Variants in PALLD observed in about 807,000 individuals in gnomAD.
The protein encoded by PALLD is palladin, cytoskeletal associated protein, also known as palladin.
A neutral mutation model predicts 123.5 loss-of-function variants in PALLD; 61 were observed. That is an observed-to-expected ratio of 0.49 (90% confidence interval 0.40 to 0.61). The LOEUF (loss-of-function observed/expected upper bound fraction) is 0.61. PALLD is among the 20% of genes least tolerant of loss of function. The probability of loss-of-function intolerance (pLI) is 0.00; values close to 1 mark genes in which losing one functional copy is unlikely to be tolerated. For synonymous variants in PALLD, 465 were observed against 496.4 expected (o/e 0.94, Z 0.84); for missense variants, 1,273 against 1,377.0 (o/e 0.92, Z 1.20).
intron 10 of PALLD, among the ~76,000 whole-genome samples, chr4:168,868,967 C>G (rs1750714037): frequency 6.6e-6 from 1 of 152,104 alleles, no homozygotes; most frequent in African/African-American, 2.4e-5. Context: ...TGACTGATAA[C>G]CAAATCAAAT....
At chr4:168,901,977 G>A (rs1455637559) in intron 14 of PALLD, among the ~76,000 whole-genome samples, 1 of 152,204 alleles carries the variant, frequency 6.6e-6, no homozygotes, top group Non-Finnish European at 1.5e-5. Context: ...AGATTCTAGA[G>A]TTTAATACGT....
intron 10 of PALLD, among the ~76,000 whole-genome samples, chr4:168,780,099 A>AT (rs1735702137): frequency 6.6e-6 from 1 of 152,092 alleles, no homozygotes; most frequent in African/African-American, 2.4e-5. Context: ...GGGTTTCACC[A>AT]TGTTAGCCAG....
At chr4:168,716,608 T>C (rs1437961942) in intron 10 of PALLD, among the ~76,000 whole-genome samples, 2 of 152,234 alleles carry the variant, frequency 1.3e-5, no homozygotes. Flanking sequence ...ACCCTATTGT[T>C]CTGCAAATCC....
At chr4:168,649,608 A>G (rs1777827376) in intron 2 of PALLD, among the ~76,000 whole-genome samples, 1 of 152,190 alleles carries the variant, frequency 6.6e-6, no homozygotes, top group Non-Finnish European at 1.5e-5. Flanking sequence ...AGCTAACTTT[A>G]TTGGGTAACA....
intron 10 of PALLD, among the ~76,000 whole-genome samples, chr4:168,827,197 A>G (rs1743533233): frequency 1.3e-5 from 2 of 152,204 alleles, no homozygotes; most frequent in Admixed American, 1.3e-4. Flanking sequence ...AACAAACCAA[A>G]GAGCCATAAA....
intron 10 of PALLD, among the ~76,000 whole-genome samples, chr4:168,873,769 C>CT (rs1751387250): frequency 6.6e-6 from 1 of 152,236 alleles, no homozygotes; most frequent in Non-Finnish European, 1.5e-5. Flanking sequence ...CTTGACCTCA[C>CT]TAACTGATGG....
chr4:168,869,594 A>C lies in PALLD; in HGVS notation c.1965-21328A>C, dbSNP rs1246830150. ...CAATAAGAGTAACAAACTTAGAAGA[A>C]TGAAAAGGTAGAGATACAGCAGCAT... On this transcript the variant is annotated intron_variant, in intron 10 of 21. Coordinates refer to ENST00000505667, the MANE Select transcript of PALLD (RefSeq NM_001166108.2). This position sits in a 1 kb window ranked among gnomAD's most constrained non-coding sequence, Gnocchi z 4.5. Among the ~76,000 whole-genome samples, 1 of 152,208 alleles carries C rather than the reference A, an allele frequency of 6.6e-6. No individual in the cohort carries two copies.
At chr4:168,529,095 C>G (rs1050076383) in intron 2 of PALLD, among the ~76,000 whole-genome samples, 1 of 152,160 alleles carries the variant, frequency 6.6e-6, no homozygotes, top group Non-Finnish European at 1.5e-5. Flanking sequence ...ACCTGTAATT[C>G]CAGCACTTTG....
At chr4:168,914,610 G>A (rs977310236) in intron 16 of PALLD, among the ~76,000 whole-genome samples, 6 of 151,812 alleles carry the variant, frequency 4.0e-5, no homozygotes, top group African/African-American at 1.5e-4. Context: ...ATGGTAGGCA[G>A]AGATAGAGAA....
intron 2 of PALLD, among the ~76,000 whole-genome samples, chr4:168,536,922 G>A (rs1320565541): frequency 6.6e-6 from 1 of 151,948 alleles, no homozygotes; most frequent in Non-Finnish European, 1.5e-5. Flanking sequence ...CCACCTCCGG[G>A]GTTCAAGCTA....
intron 10 of PALLD, among the ~76,000 whole-genome samples, chr4:168,881,684 A>T (rs61480354): frequency 1.2e-3 from 182 of 152,228 alleles, no homozygotes; most frequent in African/African-American, 4.3e-3. Context: ...ACTCTTTTAG[A>T]TGGAGGCAGT....
intron 2 of PALLD, among the ~76,000 whole-genome samples, chr4:168,642,055 G>T (rs1268032911): frequency 2.6e-5 from 4 of 152,186 alleles, no homozygotes; most frequent in South Asian, 2.1e-4. Flanking sequence ...GCACAGCCAG[G>T]ATGGTTTCAC....
intron 10 of PALLD, among the ~76,000 whole-genome samples, chr4:168,783,351 G>A (rs1736224078): frequency 6.6e-6 from 1 of 152,074 alleles, no homozygotes; most frequent in African/African-American, 2.4e-5. Flanking sequence ...AGTAAAATAA[G>A]CATAATACAG....
chr4:168,792,075 A>G (rs1489593890), intron 10 of PALLD, among the ~76,000 whole-genome samples: 1 of 152,182 alleles, frequency 6.6e-6, no homozygotes, highest in Non-Finnish European at 1.5e-5. Flanking sequence ...TGAAGAATGC[A>G]CATATGTACA....
intron 10 of PALLD, among the ~76,000 whole-genome samples, chr4:168,855,109 T>TTTG (rs1748397731): frequency 8.3e-6 from 1 of 121,102 alleles, no homozygotes; most frequent in Admixed American, 8.7e-5. Context: ...TTTTTTTTTT[T>TTTG]GAGACGGAGT....
At chr4:168,759,845 G>C (rs897574362) in intron 10 of PALLD, among the ~76,000 whole-genome samples, 1 of 152,022 alleles carries the variant, frequency 6.6e-6, no homozygotes, top group African/African-American at 2.4e-5. Flanking sequence ...CTTGAACCCA[G>C]GAGTTCGAGA....
At chr4:168,503,614 TC>T in intron 1 of PALLD, among the ~76,000 whole-genome samples, 1 of 142,866 alleles carries the variant, frequency 7.0e-6, no homozygotes, top group Non-Finnish European at 1.5e-5. Flanking sequence ...GCCACTGCAC[TC>T]CAGCCTGGGC....
chr4:168,709,117 A>G lies in PALLD; in HGVS notation c.1591A>G (p.Thr531Ala), dbSNP rs1175068362. 1 of 1,614,012 alleles carries G rather than the reference A, an allele frequency of 6.2e-7. No individual in the cohort carries two copies. The highest frequency in any genetic ancestry group is 1.7e-5 in the Admixed American group (1 of 60,020). ...AGCAAGAAATGATTATGGATCAGCA[A>G]CCAGCACTGCCCAGCTGGTTGTCAC... ...CSARNDYGSA[T>A]STAQLVVTSA... Residue 531 changes from threonine to alanine, a missense_variant, in exon 9 of 22, where the codon ACC becomes GCC. By Grantham distance (58) the Thr-to-Ala change is moderately conservative (BLOSUM62 0). Transcript: ENST00000505667.
chr4:168,909,238 T>C (rs1758413573), intron 15 of PALLD, among the ~76,000 whole-genome samples: 1 of 152,192 alleles, frequency 6.6e-6, no homozygotes, highest in African/African-American at 2.4e-5. Flanking sequence ...TGCACTTGGA[T>C]TTTGGAATGG....
Sources: allele counts gnomAD v4.1 joint callset (sites outside exome capture counted in the v4.1 genomes callset), GRCh38; gene constraint gnomAD v4.1.1; non-coding constraint Gnocchi (gnomAD v3.1); transcripts MANE v1.5; gene names NCBI Gene and HGNC (gene_info 2026-07-23, HGNC 2026-07-21).